NELL2: variants seen among roughly 807,000 people sequenced by gnomAD.
NELL2 encodes the protein neural EGFL like 2, also known as protein kinase C-binding protein NELL2.
NELL2 carries 41 observed loss-of-function variants against 109.6 expected under a neutral mutation model. The ratio of observed to expected loss-of-function variants is 0.37; its 90% CI spans 0.29 to 0.49. NELL2 has a LOEUF of 0.49. Among genes scored for constraint, NELL2 ranks in the 20% least tolerant of loss-of-function variants. The pLI is 0.98. For synonymous variants in NELL2, 355 were observed against 344.7 expected (o/e 1.03, Z -0.33); for missense variants, 900 against 1,008.3 (o/e 0.89, Z 1.45).
At chr12:44,618,353 C>A (rs1180614718) in intron 13 of NELL2, among the ~76,000 whole-genome samples, 1 of 152,124 alleles carries the variant, frequency 6.6e-6, no homozygotes, top group African/African-American at 2.4e-5. Flanking sequence ...ACATGCTTGG[C>A]TGATTTTCTT....
chr12:44,568,090 G>GCAAGC (rs2136191657), intron 15 of NELL2, among the ~76,000 whole-genome samples: 1 of 152,200 alleles, frequency 6.6e-6, no homozygotes, highest in African/African-American at 2.4e-5. Context: ...GGTCTGATTA[G>GCAAGC]CAAGCCTAAA....
chr12:44,682,529 T>G (rs1470544045), intron 12 of NELL2, among the ~76,000 whole-genome samples: 1 of 152,236 alleles, frequency 6.6e-6, no homozygotes, highest in Non-Finnish European at 1.5e-5. Flanking sequence ...CTAGGTTTTC[T>G]TCTAGGGTTT....
upstream of NELL2, among the ~76,000 whole-genome samples, chr12:44,914,552 T>A (rs439541): frequency 3.3e-5 from 5 of 152,176 alleles, no homozygotes; most frequent in Non-Finnish European, 7.3e-5. Flanking sequence ...ATTAAAACCA[T>A]CTAACATCCC....
chr12:44,577,409 T>A (rs888140234), intron 15 of NELL2, among the ~76,000 whole-genome samples: 1 of 147,376 alleles, frequency 6.8e-6, no homozygotes, highest in Non-Finnish European at 1.5e-5. Flanking sequence ...TTTTTTCTTG[T>A]AAATTTGTTT....
chr12:44,893,909 A>T (rs1945564208), intron 1 of NELL2, among the ~76,000 whole-genome samples: 1 of 152,236 alleles, frequency 6.6e-6, no homozygotes. Flanking sequence ...GAATCAACAG[A>T]TTAAAGATTT....
At chr12:44,757,450 A>G (rs1940939635) in intron 9 of NELL2, among the ~76,000 whole-genome samples, 1 of 152,120 alleles carries the variant, frequency 6.6e-6, no homozygotes, top group South Asian at 2.1e-4. Context: ...AGCCCACATT[A>G]TCTGGTCACT....
At chr12:44,780,676 G>C (rs575975589) in intron 3 of NELL2, among the ~76,000 whole-genome samples, 1 of 152,028 alleles carries the variant, frequency 6.6e-6, no homozygotes, top group South Asian at 2.1e-4. Context: ...CCCTTTCCCC[G>C]CTGGGATAGT....
At chr12:44,735,817 G>A (rs886245950) in intron 9 of NELL2, among the ~76,000 whole-genome samples, 3 of 151,810 alleles carry the variant, frequency 2.0e-5, no homozygotes. Context: ...GTTGCTTTCA[G>A]AAGAATGTGG....
At chr12:44,541,156 C>T (rs913643102) in intron 15 of NELL2, among the ~76,000 whole-genome samples, 3 of 143,348 alleles carry the variant, frequency 2.1e-5, no homozygotes, top group Admixed American at 7.5e-5. Flanking sequence ...GAGGCTGAGG[C>T]AGGAGAATGG....
At chr12:44,537,356 G>C (rs962417997) in intron 15 of NELL2, among the ~76,000 whole-genome samples, 5 of 144,386 alleles carry the variant, frequency 3.5e-5, no homozygotes, top group Non-Finnish European at 3.0e-5. Context: ...CAAATGTCTA[G>C]AATAATCCAT....
chr12:44,789,231 G>A (rs1316062308), intron 3 of NELL2, among the ~76,000 whole-genome samples: 4 of 152,090 alleles, frequency 2.6e-5, no homozygotes, highest in African/African-American at 9.7e-5. Flanking sequence ...AATCCTCACT[G>A]CCACCTCCAC....
chr12:44,880,153 AG>A (rs1945395700), upstream of NELL2, among the ~76,000 whole-genome samples: 10 of 151,484 alleles, frequency 6.6e-5, no homozygotes, highest in Admixed American at 5.9e-4. Context: ...AGAGAGAGAG[AG>A]AGAAAAACAG....
chr12:44,756,704 C>A (rs185419170), intron 9 of NELL2, among the ~76,000 whole-genome samples: 22 of 152,256 alleles, frequency 1.4e-4, no homozygotes, highest in Middle Eastern at 3.4e-3. Flanking sequence ...TTCCTTGGTA[C>A]AATAATACTT....
In NELL2 at chr12:44,875,297, G is replaced by C; in HGVS notation, c.112C>G (p.Leu38Val). ...LQIDVLTELE[L>V]GESTTGVRQV... ...CGCACTCCGGTCGTGGACTCCCCAA[G>C]TTCTAACTCTGTTAAGACGTCAATC... is the stretch of plus-strand genomic sequence containing the variant. Residue 38 changes from leucine (L) to valine (V), a missense_variant, in exon 2 of 20, where the codon CTT (leucine) becomes GTT (valine). Around this residue, in one of 4 missense-constraint regions of NELL2, gnomAD observed 200 missense variants for 191.8 expected, o/e 1.04. Transcript: ENST00000429094. The C allele has an allele frequency of 6.2e-7, 1 of 1,614,144 alleles. No homozygotes were observed. Among genetic ancestry groups the C allele is most frequent in the Non-Finnish European group, 8.5e-7 (1 of 1,180,022 alleles).
intron 3 of NELL2, among the ~76,000 whole-genome samples, chr12:44,812,979 T>C (rs1292190646): frequency 1.3e-5 from 2 of 152,216 alleles, no homozygotes; most frequent in Non-Finnish European, 2.9e-5. Flanking sequence ...GGCTTGTTTT[T>C]CTTATCTTTG....
intron 12 of NELL2, 66 bp from the exon 13 acceptor site, chr12:44,665,675 C>G: frequency 6.8e-7 from 1 of 1,479,156 alleles, no homozygotes. Flanking sequence ...ATATAATTTT[C>G]TTTGGTAGGG....
Position 44,520,372 on chromosome 12 carries a change from ATCTT to A in NELL2, c.2176-147_2176-144del, listed in dbSNP as rs1288290860. ...AAACTTAGATCTACAAAGCCCATGA[ATCTT>A]TCAGGGAATCTATTAACACAAAAGC... On this transcript the variant is annotated intron_variant, in intron 18 of 19. Transcript: ENST00000429094. The A allele has an allele frequency of 7.7e-5, 51 of 660,432 alleles. No homozygotes were observed. In the African/African-American group the frequency reaches 8.6e-4, roughly 11 times the overall value. The allele number at this position is 660,432 out of a possible 1,614,324, so 40.9% of individuals were successfully genotyped here.
intron 12 of NELL2, among the ~76,000 whole-genome samples, chr12:44,690,074 A>G (rs1457180880): frequency 1.3e-5 from 2 of 152,204 alleles, no homozygotes; most frequent in African/African-American, 4.8e-5. Flanking sequence ...TTTAATGTGC[A>G]TAAGAATTGC....
At chr12:44,802,380 A>G (rs934899045) in intron 3 of NELL2, among the ~76,000 whole-genome samples, 1 of 152,134 alleles carries the variant, frequency 6.6e-6, no homozygotes, top group Non-Finnish European at 1.5e-5. Context: ...GAAAAGCCAT[A>G]AACAGAAGAG....
Sources: allele counts gnomAD v4.1 joint callset (sites outside exome capture counted in the v4.1 genomes callset), GRCh38; gene constraint gnomAD v4.1.1; regional missense constraint gnomAD v4.1.1; transcripts MANE v1.5; gene names NCBI Gene and HGNC (gene_info 2026-07-23, HGNC 2026-07-21).